MGLL: variants seen among roughly 807,000 people sequenced by gnomAD.
The protein encoded by MGLL is monoglyceride lipase, also known as lysophospholipase homolog.
A neutral mutation model predicts 29.1 loss-of-function variants in MGLL; 7 were observed. That is an observed-to-expected ratio of 0.24 (90% CI 0.14 to 0.45). The LOEUF (loss-of-function observed/expected upper bound fraction) is 0.45. Ranked by LOEUF, MGLL falls within the 20% of genes least tolerant of loss-of-function variation. The pLI is 0.99. For synonymous variants in MGLL, 148 were observed against 168.3 expected, an observed-to-expected ratio of 0.88 and a Z score of 0.93; for missense variants, 356 against 413.6, an observed-to-expected ratio of 0.86 and a Z score of 1.21.
At chr3:127,769,052 G>T (rs1016717518) in intron 3 of MGLL, among the ~76,000 whole-genome samples, 2 of 152,210 alleles carry the variant, frequency 1.3e-5, no homozygotes, top group Admixed American at 1.3e-4. Context: ...AACTCTGCTA[G>T]AAAGAGTTGG....
chr3:127,750,734 C>T (rs2076543019), intron 3 of MGLL, among the ~76,000 whole-genome samples: 2 of 152,038 alleles, frequency 1.3e-5, no homozygotes, highest in African/African-American at 4.8e-5. Context: ...TTGGGTTTTC[C>T]AAGATTTCTA....
chr3:127,819,731 C>T (rs775692084), intron 2 of MGLL, among the ~76,000 whole-genome samples: 3 of 152,032 alleles, frequency 2.0e-5, no homozygotes, highest in East Asian at 1.9e-4. Flanking sequence ...AATGATGCTG[C>T]GGGGGTCTCC....
intron 3 of MGLL, among the ~76,000 whole-genome samples, chr3:127,772,803 C>G (rs2076971870): frequency 6.6e-6 from 1 of 152,114 alleles, no homozygotes; most frequent in Non-Finnish European, 1.5e-5. Context: ...GGGCAGAGGC[C>G]TCATGAATGG....
chr3:127,715,430 C>A (rs1246558208), intron 5 of MGLL: 7 of 336,850 alleles, frequency 2.1e-5, no homozygotes, highest in Non-Finnish European at 4.1e-5. Context: ...AACTTCATGG[C>A]TTAAAACAAA....
At chr3:127,753,738 T>A (rs2076602827) in intron 3 of MGLL, among the ~76,000 whole-genome samples, 1 of 152,194 alleles carries the variant, frequency 6.6e-6, no homozygotes, top group Non-Finnish European at 1.5e-5. Context: ...GAGCAGGAGA[T>A]GTTCCATCTA....
chr3:127,753,059 T>C (rs2107672024), intron 3 of MGLL, among the ~76,000 whole-genome samples: 1 of 152,280 alleles, frequency 6.6e-6, no homozygotes, highest in East Asian at 1.9e-4. Flanking sequence ...CTGATTCGTA[T>C]GGACAGAAGG....
At chr3:127,746,701 G>A (rs1299510226) in intron 3 of MGLL, among the ~76,000 whole-genome samples, 24 of 152,112 alleles carry the variant, frequency 1.6e-4, no homozygotes, top group Non-Finnish European at 1.5e-5. Context: ...TCCCTCCAGA[G>A]GCATGCACGC....
chr3:127,725,765 C>T (rs139474643), intron 3 of MGLL, among the ~76,000 whole-genome samples: 5 of 152,128 alleles, frequency 3.3e-5, no homozygotes, highest in Non-Finnish European at 5.9e-5. Flanking sequence ...ATGGCTGAAT[C>T]TTTTAAAAGT....
chr3:127,734,064 T>C (rs930605899), intron 3 of MGLL, among the ~76,000 whole-genome samples: 3 of 152,224 alleles, frequency 2.0e-5, no homozygotes, highest in Non-Finnish European at 4.4e-5. Flanking sequence ...TGCTGGAGCC[T>C]TTCCTGTGGT....
chr3:127,773,425 A>T (rs1394611556), intron 3 of MGLL, among the ~76,000 whole-genome samples: 1 of 152,256 alleles, frequency 6.6e-6, no homozygotes, highest in East Asian at 1.9e-4. Flanking sequence ...CAAGTCAGAT[A>T]AGGTATGAAC....
chr3:127,773,175 ATGT>A (rs1401166576), intron 3 of MGLL, among the ~76,000 whole-genome samples: 1 of 152,158 alleles, frequency 6.6e-6, no homozygotes, highest in East Asian at 1.9e-4. Flanking sequence ...GTGCTTGTGA[ATGT>A]TATTATTTTT....
At chr3:127,812,712 G>C (rs1407531926) in intron 2 of MGLL, among the ~76,000 whole-genome samples, 1 of 152,208 alleles carries the variant, frequency 6.6e-6, no homozygotes, top group East Asian at 1.9e-4. Flanking sequence ...AATCAAGAGA[G>C]TTCACGTTGA....
chr3:127,705,300 G>C (rs1329391376), intron 6 of MGLL, among the ~76,000 whole-genome samples: 1 of 151,982 alleles, frequency 6.6e-6, no homozygotes, highest in Non-Finnish European at 1.5e-5. Context: ...GTGATGGGTT[G>C]CTGGGTGCAG....
intron 3 of MGLL, among the ~76,000 whole-genome samples, chr3:127,726,737 G>A (rs1207650944): frequency 6.6e-6 from 1 of 152,054 alleles, no homozygotes; most frequent in African/African-American, 2.4e-5. Context: ...GCCTACAGGG[G>A]TTCTTTATAC....
At chr3:127,819,363 T>C (rs2077816885) in intron 2 of MGLL, among the ~76,000 whole-genome samples, 2 of 152,168 alleles carry the variant, frequency 1.3e-5, no homozygotes, top group Non-Finnish European at 2.9e-5. Context: ...CACAGATCCT[T>C]CTGCATAATA....
chr3:127,781,324 G>T (rs568445735), intron 3 of MGLL, among the ~76,000 whole-genome samples: 1 of 152,304 alleles, frequency 6.6e-6, no homozygotes, highest in South Asian at 2.1e-4. Context: ...TTGTGTGTGT[G>T]TTGGGTTTTC....
chr3:127,711,187 G>C (rs1435605508), intron 5 of MGLL: 3 of 192,590 alleles, frequency 1.6e-5, no homozygotes, highest in South Asian at 2.1e-4. Context: ...GTGTGGCAGA[G>C]GGAAGGATTG....
Position 127,777,941 on chromosome 3 carries a change from C to T in MGLL, c.262+3848G>A, listed in dbSNP as rs1327905588. Among the ~76,000 whole-genome samples the T allele has an allele frequency of 3.9e-5, 6 of 152,202 alleles. No homozygotes were observed. In the East Asian group the frequency reaches 1.2e-3, roughly 29 times the overall value. On this transcript the variant is annotated intron_variant, in intron 3 of 7. Transcript: ENST00000265052. Reference sequence around the variant, plus strand: ...TTTCACTGCTGGCAAGCCATTCAAACCCATGAGTTCATTTTGTACAAATTC... The same window carrying T: ...TTTCACTGCTGGCAAGCCATTCAAATCCATGAGTTCATTTTGTACAAATTC...
intron 4 of MGLL, among the ~76,000 whole-genome samples, chr3:127,721,671 C>T (rs1416438048): frequency 1.3e-5 from 2 of 152,154 alleles, no homozygotes; most frequent in African/African-American, 2.4e-5. Flanking sequence ...CACCTGTTTG[C>T]TGAAGCACAA....
Sources: gnomAD v4.1 joint callset for allele counts (sites outside exome capture counted in the v4.1 genomes callset) on GRCh38, gnomAD v4.1.1 for gene constraint, MANE v1.5 for transcripts, NCBI Gene and HGNC (gene_info 2026-07-23, HGNC 2026-07-21) for gene names.